The following CSGALNACT2 variants were observed in gnomAD, a reference collection of about 807,000 sequenced individuals.
CSGALNACT2 encodes the protein chondroitin sulfate N-acetylgalactosaminyltransferase 2.
CSGALNACT2 carries 35 observed loss-of-function variants against 55.3 expected under a neutral mutation model. The ratio of observed to expected loss-of-function variants is 0.63; its 90% CI spans 0.48 to 0.84. The LOEUF is 0.84. Ranked by LOEUF, CSGALNACT2 falls within the 40% of genes least tolerant of loss-of-function variation. CSGALNACT2 has a pLI of 0.00. For synonymous variants in CSGALNACT2, 196 were observed against 224.9 expected (o/e 0.87, Z 1.15); for missense variants, 544 against 657.5 (o/e 0.83, Z 1.89).
At chr10:43,179,627 T>C (rs1292847162) in intron 7 of CSGALNACT2, among the ~76,000 whole-genome samples, 1 of 152,202 alleles carries the variant, frequency 6.6e-6, no homozygotes, top group African/African-American at 2.4e-5. Flanking sequence ...CTGTCTTGTT[T>C]TTGACAATGC....
chr10:43,156,179 T>G (rs1839004251), intron 2 of CSGALNACT2, among the ~76,000 whole-genome samples: 1 of 152,210 alleles, frequency 6.6e-6, no homozygotes, highest in East Asian at 1.9e-4. Context: ...ACTCAAAACT[T>G]GAAAACCATT....
chr10:43,179,546 GCT>G (rs1315952742), intron 7 of CSGALNACT2, among the ~76,000 whole-genome samples: 1 of 152,090 alleles, frequency 6.6e-6, no homozygotes, highest in Admixed American at 6.6e-5. Context: ...ATTTAGCAGG[GCT>G]CTCTTTATCT....
intron 4 of CSGALNACT2, chr10:43,162,371 G>A (rs1461797791): frequency 4.1e-6 from 5 of 1,229,788 alleles, no homozygotes; most frequent in Non-Finnish European, 4.3e-6. Context: ...GTTGGGTGGG[G>A]GTATTGGGAC....
intron 2 of CSGALNACT2, among the ~76,000 whole-genome samples, chr10:43,158,264 CCT>C (rs1482885433): frequency 6.6e-6 from 1 of 151,840 alleles, no homozygotes; most frequent in Non-Finnish European, 1.5e-5. Context: ...CTAGACTGGC[CCT>C]GTCCTCAAAA....
At position 43,167,115 on chromosome 10, in the gene CSGALNACT2, T is replaced by C; in HGVS notation, c.1254+17T>C. ...CAGCAGCTGGTGAGACTTTCACATTTTCAGTTATGAAAGACTCTAAAGATC... is the reference window on the plus strand; with the variant it reads ...CAGCAGCTGGTGAGACTTTCACATTCTCAGTTATGAAAGACTCTAAAGATC... On this transcript the variant is annotated intron_variant, in intron 6 of 7. Coordinates refer to ENST00000374466, the MANE Select transcript of CSGALNACT2 (RefSeq NM_018590.5). 1.3e-6 allele frequency: 2 copies of C among 1,520,022 alleles called. No homozygotes were observed. Among genetic ancestry groups the C allele is most frequent in the Non-Finnish European group, 1.8e-6 (2 of 1,095,484 alleles). 94.2% of individuals were successfully genotyped at this position (1,520,022 alleles called of 1,614,324 possible). A position where few individuals can be genotyped will look rare whatever the true frequency, so the allele number is the denominator to read the frequency against.
At chr10:43,179,983 G>GA (rs374583498) in intron 7 of CSGALNACT2, among the ~76,000 whole-genome samples, 7 of 152,190 alleles carry the variant, frequency 4.6e-5, no homozygotes, top group South Asian at 2.1e-4. Flanking sequence ...TCCCCCGGGG[G>GA]AAAAAATCCA....
chr10:43,140,554 A>G (rs1424160314), intron 1 of CSGALNACT2, among the ~76,000 whole-genome samples: 1 of 152,226 alleles, frequency 6.6e-6, no homozygotes, highest in Non-Finnish European at 1.5e-5. Flanking sequence ...TAACTGTTAG[A>G]CAAGTCTGTT....
chr10:43,160,436 C>T, intron 3 of CSGALNACT2, 58 bp from the exon 4 acceptor site: 3 of 865,668 alleles, frequency 3.5e-6, no homozygotes, highest in Non-Finnish European at 5.7e-6. Flanking sequence ...TGGTTGCTTT[C>T]TTAATGAATA....
chr10:43,161,571 G>A (rs1236304777), intron 4 of CSGALNACT2, among the ~76,000 whole-genome samples: 1 of 152,194 alleles, frequency 6.6e-6, no homozygotes, highest in Non-Finnish European at 1.5e-5. Context: ...GTTGGAAGAA[G>A]AGTGGGCGTA....
At position 43,158,925 on chromosome 10, in the gene CSGALNACT2, A is replaced by G. The variant is rs1488919973; in HGVS notation, c.872A>G (p.Asn291Ser). 2 of 1,582,586 alleles carry G rather than the reference A, an allele frequency of 1.3e-6. No individual in the cohort carries two copies. Among genetic ancestry groups the G allele is most frequent in the African/African-American group, 2.7e-5 (2 of 74,314 alleles). The change falls in exon 3 of 8, where the codon AAC (asparagine) becomes AGC (serine). Residue 291 changes from asparagine (N) to serine (S), a missense_variant. Around this residue, in one of 2 missense-constraint regions of CSGALNACT2, gnomAD observed 374 missense variants for 401.3 expected, o/e 0.93. Transcript: ENST00000374466. ...RTEAFVQFMQ[N>S]FRDVCIHQDK... ...GAAGCATTTGTACAATTTATGCAGA[A>G]CTTCAGGTAACTGTCAGGGCTTAAT...
intron 6 of CSGALNACT2, among the ~76,000 whole-genome samples, chr10:43,171,940 G>A (rs1839390213): frequency 6.6e-6 from 1 of 152,216 alleles, no homozygotes. Flanking sequence ...GCCTTACTAG[G>A]AATAATTTAG....
intron 6 of CSGALNACT2, among the ~76,000 whole-genome samples, chr10:43,171,274 T>C (rs752497612): frequency 2.6e-5 from 4 of 152,076 alleles, no homozygotes; most frequent in Non-Finnish European, 5.9e-5. Flanking sequence ...AAAGGTTGTA[T>C]ATTAAAATTA....
At chr10:43,158,958 CTACATTCT>C in intron 3 of CSGALNACT2, 27 bp downstream of exon 3, 4 of 1,300,594 alleles carry the variant, frequency 3.1e-6, no homozygotes, top group Non-Finnish European at 4.4e-6. Context: ...AATGATTAAG[CTACATTCT>C]CCTAAAAAAA....
rs115440520 is a variant in CSGALNACT2, at chr10:43,164,405, C to T, written c.1159+361C>T. Among the ~76,000 whole-genome samples, 797 of 152,260 alleles carry T rather than the reference C, an allele frequency of 5.2e-3. 9 individuals carry two copies. The highest frequency in any genetic ancestry group is 0.019 in the African/African-American group (773 of 41,544). On this transcript the variant is annotated intron_variant, in intron 5 of 7. Coordinates refer to ENST00000374466, the MANE Select transcript of CSGALNACT2 (RefSeq NM_018590.5). Reference sequence around the variant, plus strand: ...AGAGTCTGAAGCACTCAGCTTTGGGCATATAGCGTCCACACATGCAAAAAT... The same window carrying T: ...AGAGTCTGAAGCACTCAGCTTTGGGTATATAGCGTCCACACATGCAAAAAT...
At chr10:43,163,546 T>G in intron 4 of CSGALNACT2, 1 of 985,412 alleles carries the variant, frequency 1.0e-6, no homozygotes, top group Non-Finnish European at 1.2e-6. Flanking sequence ...AATGCATTAT[T>G]AACAGACATT....
At position 43,158,766 on chromosome 10, in the gene CSGALNACT2, A is replaced by C. The variant is rs1450679952; in HGVS notation, c.713A>C (p.Lys238Thr). The stretch of plus-strand genomic sequence containing the variant: ...GGCACACAGTATGAACTCTTTTTTA[A>C]GAAAGCAGACCTTACGGAATATAGA... ...DKGTQYELFF[K>T]KADLTEYRHV... is the part of the protein sequence containing the mutation. Residue 238 changes from lysine (K) to threonine (T), a missense_variant, in exon 3 of 8, where the codon AAG becomes ACG. Coordinates refer to ENST00000374466, the MANE Select transcript of CSGALNACT2 (RefSeq NM_018590.5). 6.2e-7 allele frequency: 1 copy of C among 1,612,808 alleles called. No homozygotes were observed. The highest frequency in any genetic ancestry group is 1.3e-5 in the African/African-American group (1 of 74,906).
chr10:43,159,215 T>A (rs11815805), intron 3 of CSGALNACT2, among the ~76,000 whole-genome samples: 2 of 152,218 alleles, frequency 1.3e-5, no homozygotes, highest in Non-Finnish European at 1.5e-5. Context: ...GTTGAATTTT[T>A]AAAAAATCAA....
intron 7 of CSGALNACT2, among the ~76,000 whole-genome samples, chr10:43,182,839 C>T (rs1370537822): frequency 2.0e-5 from 3 of 149,712 alleles, no homozygotes; most frequent in Non-Finnish European, 3.0e-5. Flanking sequence ...CACACCACTG[C>T]ACTCCAGCCT....
At chr10:43,159,085 A>G (rs936807951) in intron 3 of CSGALNACT2, among the ~76,000 whole-genome samples, 154 bp downstream of exon 3, 1 of 152,098 alleles carries the variant, frequency 6.6e-6, no homozygotes, top group African/African-American at 2.4e-5. Context: ...CTCTTTTTTT[A>G]AAGCATGTGT....
Sources: allele counts gnomAD v4.1 joint callset (sites outside exome capture counted in the v4.1 genomes callset), GRCh38; gene constraint gnomAD v4.1.1; regional missense constraint gnomAD v4.1.1; transcripts MANE v1.5; gene names NCBI Gene and HGNC (gene_info 2026-07-23, HGNC 2026-07-21).